DENND2B: variants seen among roughly 807,000 people sequenced by gnomAD.
DENND2B encodes DENN domain containing 2B.
DENND2B carries 32 observed loss-of-function variants against 116.0 expected under a neutral mutation model. That is an observed-to-expected ratio of 0.28 (90% confidence interval 0.21 to 0.37). The LOEUF (loss-of-function observed/expected upper bound fraction) is 0.37. Among genes scored for constraint, DENND2B ranks in the 10% least tolerant of loss-of-function variants. DENND2B has a pLI of 1.00. For synonymous variants in DENND2B, 588 were observed against 583.9 expected, an observed-to-expected ratio of 1.01 and a Z score of -0.10; for missense variants, 1,276 against 1,477.7, an observed-to-expected ratio of 0.86 and a Z score of 2.24.
chr11:8,832,935 C>A (rs201242010), intron 4 of DENND2B, among the ~76,000 whole-genome samples: 2 of 152,222 alleles, frequency 1.3e-5, no homozygotes, highest in Admixed American at 1.3e-4. Context: ...TAGGGAGACC[C>A]GAAGCAATCC....
chr11:8,722,141 G>A (rs1164733901), intron 4 of DENND2B, among the ~76,000 whole-genome samples: 1 of 152,246 alleles, frequency 6.6e-6, no homozygotes, highest in Non-Finnish European at 1.5e-5. Flanking sequence ...TTTTCTGCAA[G>A]TTAGCAAGGT....
intron 1 of DENND2B, among the ~76,000 whole-genome samples, chr11:8,763,818 A>G (rs2055111713): frequency 6.6e-6 from 1 of 152,076 alleles, no homozygotes; most frequent in Non-Finnish European, 1.5e-5. Flanking sequence ...ACTTGGATAC[A>G]TATATACATT....
chr11:8,847,448 T>G (rs893705789), intron 3 of DENND2B, among the ~76,000 whole-genome samples: 6 of 152,198 alleles, frequency 3.9e-5, no homozygotes, highest in African/African-American at 1.4e-4. Context: ...TTAAAAGAAT[T>G]TCTCACAAAT....
At chr11:8,795,757 A>G (rs1233248727) in intron 1 of DENND2B, among the ~76,000 whole-genome samples, 1 of 152,118 alleles carries the variant, frequency 6.6e-6, no homozygotes, top group Non-Finnish European at 1.5e-5. Flanking sequence ...TCCTGGGGAA[A>G]GTGATTCCCC....
intron 1 of DENND2B, among the ~76,000 whole-genome samples, chr11:8,886,880 G>C (rs2063966942): frequency 1.3e-5 from 2 of 152,126 alleles, no homozygotes; most frequent in Non-Finnish European, 2.9e-5. Context: ...CCAGGCTGGA[G>C]TGCAATGGTG....
In DENND2B at chr11:8,816,258, T is replaced by A. The variant is rs548758755; in HGVS notation, c.-114-4923A>T. ...CATCCAGTTCTACCAAATTAATGGG[T>A]GATCAGGTCAAGTGCAGTGGCTCAC... On this transcript the variant is annotated intron_variant, in intron 4 of 6. Transcript: ENST00000524757. Among the ~76,000 whole-genome samples the A allele has an allele frequency of 3.3e-5, 5 of 152,192 alleles. No individual in the cohort carries two copies. The South Asian group carries it at 8.3e-4, about 25-fold the overall frequency.
chr11:8,800,727 G>T (rs1306346283), intron 1 of DENND2B, among the ~76,000 whole-genome samples: 2 of 152,184 alleles, frequency 1.3e-5, no homozygotes, highest in African/African-American at 4.8e-5. Context: ...AGCTTTGGTA[G>T]CACTCAAAGA....
intron 9 of DENND2B, chr11:8,711,878 A>G (rs1258195303): frequency 2.6e-6 from 1 of 387,474 alleles, no homozygotes; most frequent in East Asian, 7.4e-5. Flanking sequence ...GAATAAAAAA[A>G]TAAAATAATA....
At chr11:8,771,566 A>AGAGAGAGCGAGC (rs146752028) in intron 1 of DENND2B, 5 of 120,310 alleles carry the variant, frequency 4.2e-5, no homozygotes, top group Non-Finnish European at 5.4e-5. Context: ...AGAGAGAGAG[A>AGAGAGAGCGAGC]GCCTTCTTCC....
intron 1 of DENND2B, among the ~76,000 whole-genome samples, chr11:8,766,313 G>T (rs1565896284): frequency 6.6e-6 from 1 of 152,050 alleles, no homozygotes; most frequent in Non-Finnish European, 1.5e-5. Flanking sequence ...CTGAACAGAA[G>T]TGCCTGCACA....
chr11:8,723,757 C>T (rs2046595160), intron 4 of DENND2B, among the ~76,000 whole-genome samples: 1 of 152,132 alleles, frequency 6.6e-6, no homozygotes, highest in African/African-American at 2.4e-5. Flanking sequence ...CTGTCTTTTC[C>T]CCAGTGGTAA....
At chr11:8,815,870 A>G (rs970554609) in intron 4 of DENND2B, among the ~76,000 whole-genome samples, 4 of 152,250 alleles carry the variant, frequency 2.6e-5, no homozygotes, top group Non-Finnish European at 1.5e-5. Flanking sequence ...CAAACAAACA[A>G]ACAGAAACAG....
intron 1 of DENND2B, chr11:8,910,736 G>A (rs1462981334): frequency 6.5e-6 from 1 of 153,122 alleles, no homozygotes; most frequent in Non-Finnish European, 1.4e-5. Context: ...GTGTGTGTGT[G>A]TCTACACGGG....
At chr11:8,893,751 CACAA>C (rs1202500872) in intron 1 of DENND2B, among the ~76,000 whole-genome samples, 1 of 152,012 alleles carries the variant, frequency 6.6e-6, no homozygotes, top group African/African-American at 2.4e-5. Flanking sequence ...CAAAAGAGGA[CACAA>C]ACAAATGGAA....
At chr11:8,766,766 C>A in intron 1 of DENND2B, 1 of 1,073,854 alleles carries the variant, frequency 9.3e-7, no homozygotes, top group Admixed American at 2.4e-5. Context: ...TCACAGGACT[C>A]AACTTTTGTC....
chr11:8,894,235 A>G (rs1026828890), intron 1 of DENND2B, among the ~76,000 whole-genome samples: 5 of 152,212 alleles, frequency 3.3e-5, no homozygotes, highest in Non-Finnish European at 7.3e-5. Context: ...TACACCTTAT[A>G]CAAAAATTAA....
chr11:8,903,782 G>T (rs577005629), intron 1 of DENND2B, among the ~76,000 whole-genome samples: 1 of 151,212 alleles, frequency 6.6e-6, no homozygotes, highest in East Asian at 1.9e-4. Flanking sequence ...CCAGCTACTC[G>T]AGTGGCTAAG....
At position 8,834,682 on chromosome 11, in the gene DENND2B, G is replaced by A. The variant is rs535745558; in HGVS notation, c.-115+4628C>T. Among the ~76,000 whole-genome samples, 20 of 152,310 alleles carry A rather than the reference G, an allele frequency of 1.3e-4. No homozygotes were observed. In the South Asian group the frequency reaches 3.7e-3, roughly 28 times the overall value. ...ACTTTTCTTCCTCTTCATGCAATGG[G>A]AACAGAGTCAGTCTCTTCTAGAGCA... On this transcript the variant is annotated intron_variant, in intron 4 of 6. Transcript: ENST00000524757.
At chr11:8,841,492 T>C (rs1035165312) in intron 3 of DENND2B, among the ~76,000 whole-genome samples, 1 of 151,924 alleles carries the variant, frequency 6.6e-6, no homozygotes, top group African/African-American at 2.4e-5. Flanking sequence ...AATCTAAATA[T>C]TTAAAAAACT....
Sources: allele counts gnomAD v4.1 joint callset (sites outside exome capture counted in the v4.1 genomes callset), GRCh38; gene constraint gnomAD v4.1.1; transcripts MANE v1.5; gene names NCBI Gene and HGNC (gene_info 2026-07-23, HGNC 2026-07-21).